Variants in TENM3 observed in about 807,000 individuals in gnomAD.
TENM3 encodes the protein teneurin transmembrane protein 3, also known as teneurin-3.
In TENM3, 63 loss-of-function variants were observed where a neutral mutation model predicts 255.1. The ratio of observed to expected loss-of-function variants is 0.25; its 90% CI spans 0.20 to 0.30. The LOEUF (loss-of-function observed/expected upper bound fraction) is 0.30. Ranked by LOEUF, TENM3 falls within the 10% of genes least tolerant of loss-of-function variation. The pLI, the probability that TENM3 is intolerant of heterozygous loss-of-function variation, is 1.00. For synonymous variants in TENM3, 1,306 were observed against 1,322.3 expected (o/e 0.99, Z 0.27); for missense variants, 2,929 against 3,461.1 (o/e 0.85, Z 3.86).
At chr4:182,065,423 ACT>A in the TENM3 span, among the ~76,000 whole-genome samples, 1 of 152,180 alleles carries the variant, frequency 6.6e-6, no homozygotes, top group Non-Finnish European at 1.5e-5. Context: ...GCCTGGGGAA[ACT>A]CACAGTCACG....
chr4:181,858,710 G>T, the TENM3 span, among the ~76,000 whole-genome samples: 1 of 152,194 alleles, frequency 6.6e-6, no homozygotes, highest in African/African-American at 2.4e-5. Context: ...AGCTTGAGGA[G>T]ATGACAGCAA....
At chr4:182,224,385 A>G (rs1160281194) in intron 1 of TENM3, among the ~76,000 whole-genome samples, 1 of 152,166 alleles carries the variant, frequency 6.6e-6, no homozygotes, top group African/African-American at 2.4e-5. Context: ...CCTGGCATGT[A>G]TTGGGTAACA....
the TENM3 span, among the ~76,000 whole-genome samples, chr4:182,030,198 A>G: frequency 1.3e-5 from 2 of 151,882 alleles, no homozygotes; most frequent in African/African-American, 4.8e-5. Flanking sequence ...TTAGCCCAGC[A>G]TGCATTAGCT....
chr4:181,656,548 G>A, the TENM3 span, among the ~76,000 whole-genome samples: 1,973 of 152,252 alleles, frequency 0.013, 34 homozygotes, highest in African/African-American at 0.044. Context: ...ATGGGCCCAG[G>A]AGAGCAGCGG....
At chr4:182,224,248 T>A (rs1756010945) in intron 1 of TENM3, among the ~76,000 whole-genome samples, 1 of 152,120 alleles carries the variant, frequency 6.6e-6, no homozygotes, top group African/African-American at 2.4e-5. Context: ...GTCTCCTGAA[T>A]AAGAATAAAA....
intron 3 of TENM3, among the ~76,000 whole-genome samples, chr4:182,355,003 C>T (rs1196300009): frequency 2.0e-5 from 3 of 152,172 alleles, no homozygotes; most frequent in Non-Finnish European, 4.4e-5. Context: ...TAGAAGCTCA[C>T]AGGGTGGTTG....
intron 1 of TENM3, among the ~76,000 whole-genome samples, chr4:182,155,109 A>G (rs972033251): frequency 3.3e-5 from 5 of 152,204 alleles, no homozygotes; most frequent in African/African-American, 1.2e-4. Flanking sequence ...TCTATTCAAA[A>G]TTGGAAAATA....
intron 1 of TENM3, among the ~76,000 whole-genome samples, chr4:182,152,187 G>A (rs926471941): frequency 3.3e-5 from 5 of 151,910 alleles, no homozygotes; most frequent in Non-Finnish European, 5.9e-5. Flanking sequence ...TTCAGAAAGG[G>A]TTCAGAAAGG....
the TENM3 span, among the ~76,000 whole-genome samples, chr4:181,561,757 G>A: frequency 2.0e-5 from 3 of 152,152 alleles, no homozygotes; most frequent in African/African-American, 7.2e-5. Context: ...ACTGATGTGA[G>A]CGTGCATCTT....
intron 1 of TENM3, among the ~76,000 whole-genome samples, chr4:182,165,807 G>A (rs761623396): frequency 7.9e-5 from 12 of 152,216 alleles, no homozygotes; most frequent in Admixed American, 1.3e-4. Flanking sequence ...AGAGAGTCTC[G>A]CTCTGTCATC....
intron 1 of TENM3, among the ~76,000 whole-genome samples, chr4:182,270,038 G>A (rs1303805879): frequency 6.6e-6 from 1 of 152,188 alleles, no homozygotes; most frequent in African/African-American, 2.4e-5. Flanking sequence ...TTGGCAATTG[G>A]TTGAAAGAGT....
At chr4:182,668,212 T>C (rs1043764508) in intron 6 of TENM3, among the ~76,000 whole-genome samples, 84 of 152,234 alleles carry the variant, frequency 5.5e-4, no homozygotes, top group Middle Eastern at 3.4e-3. Flanking sequence ...ACCACCACAA[T>C]ACTTTTAATT....
intron 13 of TENM3, among the ~76,000 whole-genome samples, chr4:182,719,450 C>T (rs761679762): frequency 2.0e-5 from 3 of 151,602 alleles, no homozygotes; most frequent in Non-Finnish European, 4.4e-5. Context: ...TTAGTAGAGA[C>T]GGGGTTCACC....
the TENM3 span, among the ~76,000 whole-genome samples, chr4:181,654,822 C>T: frequency 2.0e-5 from 3 of 151,180 alleles, no homozygotes; most frequent in South Asian, 4.2e-4. Context: ...AATGCAGATT[C>T]CTCGGCCTCA....
chr4:182,275,236 C>T (rs1043084668), intron 1 of TENM3, among the ~76,000 whole-genome samples: 1 of 152,170 alleles, frequency 6.6e-6, no homozygotes, highest in African/African-American at 2.4e-5. Flanking sequence ...GTGTGATGGC[C>T]ATTTTTACAC....
chr4:181,751,428 A>C, the TENM3 span, among the ~76,000 whole-genome samples: 2 of 151,808 alleles, frequency 1.3e-5, no homozygotes, highest in African/African-American at 2.4e-5. Context: ...AAAAAAAAAA[A>C]AAAAACAAGA....
At chr4:182,520,113 AT>A (rs1422171736) in intron 3 of TENM3, among the ~76,000 whole-genome samples, 1 of 152,140 alleles carries the variant, frequency 6.6e-6, no homozygotes, top group Non-Finnish European at 1.5e-5. Context: ...TAAAAATGAA[AT>A]TTGAAGGAAA....
intron 22 of TENM3, among the ~76,000 whole-genome samples, chr4:182,755,709 G>A (rs12512383): frequency 0.33 from 49,463 of 151,710 alleles, 8,540 homozygotes; most frequent in East Asian, 0.59. Flanking sequence ...GCGTGGTGGC[G>A]GGCGCCTGTA....
the TENM3 span, chr4:181,834,876 T>C: frequency 0.022 from 3,329 of 152,316 alleles, 54 homozygotes; most frequent in Middle Eastern, 0.048. Flanking sequence ...TTTTTTTCCA[T>C]CCTAGTAGGT....
Sources: allele counts gnomAD v4.1 joint callset (sites outside exome capture counted in the v4.1 genomes callset), GRCh38; gene constraint gnomAD v4.1.1; transcripts MANE v1.5; gene names NCBI Gene and HGNC (gene_info 2026-07-23, HGNC 2026-07-21).